Variants in SPEF2 observed in about 807,000 individuals in gnomAD.
The protein encoded by SPEF2 is sperm flagella and cilia-associated protein 2.
A neutral mutation model predicts 224.6 loss-of-function variants in SPEF2; 187 were observed. The observed-to-expected ratio is 0.83, with a 90% CI of 0.74 to 0.94. The LOEUF is 0.94. SPEF2 is among the 40% of genes least tolerant of loss of function. The pLI, the probability that SPEF2 is intolerant of heterozygous loss-of-function variation, is 0.00. For missense variants in SPEF2, 2,170 were observed against 2,135.6 expected (o/e 1.02, Z -0.32); for synonymous variants, 715 against 707.3 (o/e 1.01, Z -0.17).
At chr5:35,619,458 A>G (rs286436) in intron 1 of SPEF2, among the ~76,000 whole-genome samples, 37,271 of 151,972 alleles carry the variant, frequency 0.25, 6,515 homozygotes, top group African/African-American at 0.5. Context: ...CGAGGTGGGC[A>G]GATCATGAGG....
chr5:35,780,017 G>A (rs967457846), intron 30 of SPEF2, among the ~76,000 whole-genome samples: 1 of 152,072 alleles, frequency 6.6e-6, no homozygotes, highest in Non-Finnish European at 1.5e-5. Context: ...GATCACATAG[G>A]ATTATCATCT....
At chr5:35,640,447 T>G (rs1393915725) in intron 2 of SPEF2, among the ~76,000 whole-genome samples, 3 of 152,214 alleles carry the variant, frequency 2.0e-5, no homozygotes, top group Admixed American at 2.0e-4. Flanking sequence ...TTGATTTGAC[T>G]ATCTTCTTTC....
rs368860126 is a variant in SPEF2, at chr5:35,779,135, C to T, written c.4236C>T (p.Asp1412=). 220 of 1,612,962 alleles carry T rather than the reference C, an allele frequency of 1.4e-4. No homozygotes were observed. In the African/African-American group the frequency reaches 2.4e-3, roughly 17 times the overall value. The change falls in exon 30 of 37, where the codon GAC becomes GAT. Residue 1412 remains aspartate, a synonymous_variant. Transcript: ENST00000356031. The part of the protein sequence containing the change: ...NEMASTEKLT[D]VARYHIETST... ...CTTTCAGTACAGAAAAATTAACTGA[C>T]GTAGCTCGCTATCACATTGAAACAT...
rs543938316 is a variant in SPEF2 at position 35,762,807 on chromosome 5, A to G, written c.3621-715A>G. On this transcript the variant is annotated intron_variant, in intron 25 of 36. Transcript: ENST00000356031. ...GATCCTGGGATCCTTCTGGGATAAG[A>G]TATTCCCAGAGGCAGCTCAAAAATT... 3.7e-4 allele frequency among the ~76,000 whole-genome samples: 57 copies of G among 152,282 alleles called. 2 individuals carry two copies. In the South Asian group the frequency reaches 0.012, roughly 31 times the overall value.
chr5:35,718,704 A>C (rs191904698), intron 20 of SPEF2, among the ~76,000 whole-genome samples: 52 of 152,270 alleles, frequency 3.4e-4, no homozygotes, highest in Admixed American at 5.9e-4. Context: ...CATTTATGTC[A>C]TGGACACTAA....
intron 23 of SPEF2, among the ~76,000 whole-genome samples, chr5:35,744,634 C>T (rs1043225857): frequency 3.9e-5 from 6 of 152,134 alleles, no homozygotes; most frequent in Admixed American, 3.3e-4. Context: ...TGTGTCCTCT[C>T]CTTTCTTTAA....
chr5:35,681,882 G>A (rs1473901351), intron 10 of SPEF2, among the ~76,000 whole-genome samples: 1 of 152,052 alleles, frequency 6.6e-6, no homozygotes, highest in Non-Finnish European at 1.5e-5. Flanking sequence ...GCTTTACAGG[G>A]GTTCAGACCA....
At chr5:35,681,694 A>G (rs1752828202) in intron 10 of SPEF2, among the ~76,000 whole-genome samples, 1 of 152,220 alleles carries the variant, frequency 6.6e-6, no homozygotes, top group African/African-American at 2.4e-5. Flanking sequence ...AGGATTTCAT[A>G]AATTTTTTTT....
rs7730148 is a variant in SPEF2, at chr5:35,792,254, A to C, written c.4448-86A>C. On this transcript the variant is annotated intron_variant, in intron 30 of 36. Coordinates refer to ENST00000356031, the MANE Select transcript of SPEF2 (RefSeq NM_024867.4). ...ATATAATATGAATAAAGAGAGTTTT[A>C]AAATACTCATTGCTTCTATTTTAGC... The C allele has an allele frequency of 0.98, 939,413 of 957,604 alleles. 461,717 individuals carry two copies. Among genetic ancestry groups the C allele is most frequent in the Non-Finnish European group, 1 (646,431 of 647,396 alleles). 59.3% of individuals were successfully genotyped at this position (957,604 alleles called of 1,614,324 possible). A position where few individuals can be genotyped will look rare whatever the true frequency, so the allele number is the denominator to read the frequency against.
At chr5:35,724,791 A>T (rs963502817) in intron 20 of SPEF2, among the ~76,000 whole-genome samples, 1 of 152,188 alleles carries the variant, frequency 6.6e-6, no homozygotes, top group Non-Finnish European at 1.5e-5. Flanking sequence ...CTCAGAATAA[A>T]CTGTAAATAA....
At chr5:35,688,736 C>G (rs1252832610) in intron 10 of SPEF2, among the ~76,000 whole-genome samples, 1 of 152,048 alleles carries the variant, frequency 6.6e-6, no homozygotes, top group Admixed American at 6.6e-5. Flanking sequence ...TTAGTCGTTG[C>G]AATACTCAGA....
intron 34 of SPEF2, among the ~76,000 whole-genome samples, chr5:35,802,622 C>G (rs1350672180): frequency 2.0e-5 from 3 of 152,070 alleles, no homozygotes; most frequent in African/African-American, 7.2e-5. Flanking sequence ...AAGAGACATA[C>G]AAACAGAGGC....
At chr5:35,681,545 T>C (rs1443557670) in intron 10 of SPEF2, among the ~76,000 whole-genome samples, 1 of 152,196 alleles carries the variant, frequency 6.6e-6, no homozygotes, top group African/African-American at 2.4e-5. Context: ...CTTTTATTAT[T>C]TGTTGTCCCA....
At chr5:35,704,724 C>A in intron 17 of SPEF2, 62 bp downstream of exon 17, 1 of 975,608 alleles carries the variant, frequency 1.0e-6, no homozygotes, top group African/African-American at 1.6e-5. Flanking sequence ...TTGACAACAA[C>A]TTTGGAATCA....
In SPEF2 at chr5:35,742,104, T is replaced by A. The variant is rs2149696621; in HGVS notation, c.3330+1837T>A. 2.0e-5 allele frequency among the ~76,000 whole-genome samples: 3 copies of A among 152,348 alleles called. No homozygotes were observed. The Middle Eastern group carries it at 0.01, about 518-fold the overall frequency. On this transcript the variant is annotated intron_variant, in intron 23 of 36. Coordinates refer to ENST00000356031, the MANE Select transcript of SPEF2 (RefSeq NM_024867.4). The stretch of plus-strand genomic sequence containing the variant: ...ATGTATTGTTTTGTAACATTCTTTT[T>A]AAGTCAATAGAACATGTTTTCTTTT...
intron 29 of SPEF2, among the ~76,000 whole-genome samples, chr5:35,777,615 T>C (rs1403831485): frequency 6.6e-6 from 1 of 151,928 alleles, no homozygotes. Context: ...AATCTACAGA[T>C]GCTGTCATGA....
Position 35,628,537 on chromosome 5 carries a change from G to T in SPEF2, c.136G>T (p.Asp46Tyr). The change falls in exon 2 of 37, where the codon GAT becomes TAT. Residue 46 changes from aspartate (D) to tyrosine (Y), a missense_variant. Physicochemically the swap from Asp to Tyr is radical, Grantham distance 160. Transcript: ENST00000356031. ...EVLHKFELQD[D>Y]FSEFLDSRVS... Reference sequence around the variant, plus strand: ...TCTACACAAGTTTGAACTTCAGGATGATTTTTCAGAATTTTTGGACAGCAG... The same window carrying T: ...TCTACACAAGTTTGAACTTCAGGATTATTTTTCAGAATTTTTGGACAGCAG... 6.2e-7 allele frequency: 1 copy of T among 1,613,466 alleles called. No homozygotes were observed. The highest frequency in any genetic ancestry group is 8.5e-7 in the Non-Finnish European group (1 of 1,179,566).
chr5:35,787,716 GT>G (rs1402527748), intron 30 of SPEF2: 17 of 503,200 alleles, frequency 3.4e-5, no homozygotes. Context: ...ATATAAACTA[GT>G]TAAAGCACTT....
chr5:35,747,270 A>T (rs757638437), intron 23 of SPEF2, among the ~76,000 whole-genome samples: 10 of 151,806 alleles, frequency 6.6e-5, no homozygotes, highest in Admixed American at 5.9e-4. Context: ...AAAAAGCCAA[A>T]ACAAACAAAA....
Sources: gnomAD v4.1 joint callset for allele counts (sites outside exome capture counted in the v4.1 genomes callset) on GRCh38, gnomAD v4.1.1 for gene constraint, MANE v1.5 for transcripts, NCBI Gene and HGNC (gene_info 2026-07-23, HGNC 2026-07-21) for gene names.